The following RAP1GDS1 variants were observed in gnomAD, a reference collection of about 807,000 sequenced individuals.
RAP1GDS1 encodes Rap1 GTPase-GDP dissociation stimulator 1, also known as RAP1, GTP-GDP dissociation stimulator 1.
A neutral mutation model predicts 71.1 loss-of-function variants in RAP1GDS1; 35 were observed. That is an observed-to-expected ratio of 0.49 (90% CI 0.38 to 0.65). The LOEUF (loss-of-function observed/expected upper bound fraction) is 0.65. RAP1GDS1 is among the 30% of genes least tolerant of loss of function. RAP1GDS1 has a pLI of 0.00. For missense variants in RAP1GDS1, 663 were observed against 706.1 expected (o/e 0.94, Z 0.69); for synonymous variants, 229 against 243.1 (o/e 0.94, Z 0.54).
At chr4:98,289,473 A>ATGTT in intron 1 of RAP1GDS1, among the ~76,000 whole-genome samples, 1 of 147,258 alleles carries the variant, frequency 6.8e-6, no homozygotes, top group East Asian at 2.2e-4. Flanking sequence ...GACACACATG[A>ATGTT]TGTTGTGTGA....
intron 2 of RAP1GDS1, among the ~76,000 whole-genome samples, chr4:98,328,200 G>A (rs978808598): frequency 6.6e-6 from 1 of 152,152 alleles, no homozygotes; most frequent in African/African-American, 2.4e-5. Flanking sequence ...AATAGCACAG[G>A]CATTTTCTTA....
intron 7 of RAP1GDS1, among the ~76,000 whole-genome samples, chr4:98,408,028 A>C: frequency 6.6e-6 from 1 of 151,824 alleles, no homozygotes; most frequent in South Asian, 2.1e-4. Flanking sequence ...AGAGGAGGAG[A>C]CCTTACCGCA....
chr4:98,321,318 G>A (rs1336265334), intron 2 of RAP1GDS1, among the ~76,000 whole-genome samples: 5 of 149,512 alleles, frequency 3.3e-5, no homozygotes, highest in African/African-American at 1.2e-4. Context: ...AAGTGAGGCG[G>A]AGAATGGAAC....
At position 98,293,476 on chromosome 4, in the gene RAP1GDS1, G is replaced by A. The variant is rs369354862; in HGVS notation, c.73G>A (p.Gly25Arg). The change falls in exon 2 of 15, where the codon GGA (glycine) becomes AGA (arginine). Residue 25 changes from glycine to arginine, a missense_variant. By Grantham distance (125) the Gly-to-Arg change is moderately radical. Transcript: ENST00000408927. ...TGACAAGACTGAGGATAGTTTAGAA[G>A]GATGCTTGGATTGTCTGCTTCAAGC... ...AVDKTEDSLE[G>R]CLDCLLQALA... is the part of the protein sequence containing the mutation. The A allele has an allele frequency of 1.1e-5, 17 of 1,609,850 alleles. No individual in the cohort carries two copies. The highest frequency in any genetic ancestry group is 1.3e-5 in the African/African-American group (1 of 74,660).
intron 7 of RAP1GDS1, among the ~76,000 whole-genome samples, chr4:98,416,338 T>G (rs908496545): frequency 8.8e-6 from 1 of 113,810 alleles, no homozygotes; most frequent in Non-Finnish European, 1.9e-5. Context: ...TTCTTAGTTT[T>G]TTTTTTTTTT....
intron 5 of RAP1GDS1, among the ~76,000 whole-genome samples, chr4:98,391,316 C>G (rs1322642939): frequency 6.6e-6 from 1 of 152,090 alleles, no homozygotes; most frequent in Non-Finnish European, 1.5e-5. Context: ...ACTTTCCTCT[C>G]TCTTACTGAG....
At chr4:98,391,826 C>A (rs962176744) in intron 5 of RAP1GDS1, 126 bp from the exon 6 acceptor site, 1 of 922,616 alleles carries the variant, frequency 1.1e-6, no homozygotes, top group Admixed American at 3.4e-5. Flanking sequence ...ACTTCATTTT[C>A]TATTACTGTA....
At chr4:98,381,298 A>T (rs1196696408) in intron 5 of RAP1GDS1, among the ~76,000 whole-genome samples, 1 of 151,634 alleles carries the variant, frequency 6.6e-6, no homozygotes. Flanking sequence ...ACAAATGCGA[A>T]ACTTGTAACT....
At chr4:98,377,495 C>T (rs981224782) in intron 4 of RAP1GDS1, among the ~76,000 whole-genome samples, 3 of 151,840 alleles carry the variant, frequency 2.0e-5, no homozygotes, top group African/African-American at 7.2e-5. Context: ...GATTAGCATA[C>T]AGTCCTGTTT....
chr4:98,369,449 C>T (rs2110462970), intron 4 of RAP1GDS1, among the ~76,000 whole-genome samples: 1 of 152,232 alleles, frequency 6.6e-6, no homozygotes, highest in East Asian at 1.9e-4. Flanking sequence ...TAGCCTAAAA[C>T]TAGAAACAAC....
At chr4:98,327,418 A>G (rs2110358103) in intron 2 of RAP1GDS1, among the ~76,000 whole-genome samples, 1 of 152,310 alleles carries the variant, frequency 6.6e-6, no homozygotes, top group Admixed American at 6.5e-5. Context: ...TGCTGGGCAG[A>G]TGTCTTTCCA....
intron 1 of RAP1GDS1, among the ~76,000 whole-genome samples, chr4:98,275,028 G>A (rs1223099781): frequency 1.3e-5 from 2 of 151,532 alleles, no homozygotes; most frequent in African/African-American, 4.9e-5. Context: ...CTGTGTGTGT[G>A]TGTGTGTGTG....
At chr4:98,402,260 C>CA (rs1052309046) in intron 6 of RAP1GDS1, among the ~76,000 whole-genome samples, 3 of 151,962 alleles carry the variant, frequency 2.0e-5, no homozygotes, top group Non-Finnish European at 4.4e-5. Context: ...TTAGTAGAGA[C>CA]AGAGTTTTGC....
At chr4:98,306,981 A>G (rs926889105) in intron 2 of RAP1GDS1, among the ~76,000 whole-genome samples, 41 of 152,136 alleles carry the variant, frequency 2.7e-4, no homozygotes, top group African/African-American at 8.9e-4. Flanking sequence ...ATAATGAGAC[A>G]TTTTTTGGAA....
rs149259239 is a variant in RAP1GDS1 at position 98,440,343 on chromosome 4, C to A, written c.1697-1647C>A. On this transcript the variant is annotated intron_variant, in intron 14 of 14. Coordinates refer to ENST00000408927, the MANE Select transcript of RAP1GDS1 (RefSeq NM_001100427.2). Reference sequence around the variant, plus strand: ...TGCTTTTAATTATTTTTGATATATACTCAGAAGTGGAATTACTAGATCATA... The same window carrying A: ...TGCTTTTAATTATTTTTGATATATAATCAGAAGTGGAATTACTAGATCATA... Among the ~76,000 whole-genome samples, 561 of 152,202 alleles carry A rather than the reference C, an allele frequency of 3.7e-3. 1 individual carries two copies. Among genetic ancestry groups the A allele is most frequent in the Middle Eastern group, 0.014 (4 of 294 alleles).
At chr4:98,356,834 T>C (rs1270283292) in intron 4 of RAP1GDS1, among the ~76,000 whole-genome samples, 1 of 151,940 alleles carries the variant, frequency 6.6e-6, no homozygotes, top group East Asian at 1.9e-4. Context: ...GTTTATGAAG[T>C]GAAATATTGT....
At chr4:98,360,899 C>G (rs1290922790) in intron 4 of RAP1GDS1, among the ~76,000 whole-genome samples, 2 of 151,686 alleles carry the variant, frequency 1.3e-5, no homozygotes, top group Non-Finnish European at 2.9e-5. Context: ...TGGTGAAACC[C>G]CATCTCTACT....
intron 2 of RAP1GDS1, chr4:98,297,002 T>TC: frequency 4.8e-6 from 1 of 206,284 alleles, no homozygotes; most frequent in South Asian, 6.0e-5. Flanking sequence ...TAAGCTGTCT[T>TC]CCCCTGCCTC....
chr4:98,382,881 G>C (rs1025061805), intron 5 of RAP1GDS1, among the ~76,000 whole-genome samples: 2 of 151,590 alleles, frequency 1.3e-5, no homozygotes, highest in Non-Finnish European at 3.0e-5. Flanking sequence ...CCTTATCTAC[G>C]TATGATACAT....
Sources: gnomAD v4.1 joint callset for allele counts (sites outside exome capture counted in the v4.1 genomes callset) on GRCh38, gnomAD v4.1.1 for gene constraint, MANE v1.5 for transcripts, NCBI Gene and HGNC (gene_info 2026-07-23, HGNC 2026-07-21) for gene names.